UBE2K: variants seen among roughly 807,000 people sequenced by gnomAD.
UBE2K encodes the protein ubiquitin-conjugating enzyme E2 K.
In UBE2K, 6 loss-of-function variants were observed where a neutral mutation model predicts 30.0. That is an observed-to-expected ratio of 0.20 (90% confidence interval 0.11 to 0.39). The LOEUF (loss-of-function observed/expected upper bound fraction) is 0.39, where lower values mean the gene tolerates loss of function less well. UBE2K is among the 10% of genes least tolerant of loss of function. The probability of loss-of-function intolerance (pLI) is 1.00; values close to 1 mark genes in which losing one functional copy is unlikely to be tolerated. For missense variants in UBE2K, 61 were observed against 241.6 expected (o/e 0.25, Z 4.96); for synonymous variants, 86 against 83.7 (o/e 1.03, Z -0.15).
At chr4:39,769,049 C>G (rs1023493036) in intron 4 of UBE2K, among the ~76,000 whole-genome samples, 1 of 151,980 alleles carries the variant, frequency 6.6e-6, no homozygotes, top group African/African-American at 2.4e-5. Context: ...AGGTCTCGAG[C>G]TCCTGACCTC....
At chr4:39,740,362 A>T (rs1720627385) in intron 2 of UBE2K, among the ~76,000 whole-genome samples, 1 of 152,070 alleles carries the variant, frequency 6.6e-6, no homozygotes, top group Admixed American at 6.6e-5. Flanking sequence ...ATGTATACTT[A>T]TATACATTAA....
In UBE2K at chr4:39,698,173, T is replaced by G; in HGVS notation, c.-155T>G. The G allele has an allele frequency of 1.3e-6, 1 of 759,632 alleles. No homozygotes were observed. The highest frequency in any genetic ancestry group is 2.7e-5 in the East Asian group (1 of 37,244). The allele number at this position is 759,632 out of a possible 1,614,324, so 47.1% of individuals were successfully genotyped here. A position where few individuals can be genotyped will look rare whatever the true frequency, so the allele number is the denominator to read the frequency against. On this transcript the variant is annotated 5_prime_UTR_variant, in exon 1 of 7. Transcript: ENST00000261427. ...GCCGGGCGCGGAGGTGATTCCACAC[T>G]GAGGCGAGCGCGGCGGCCGGGGTGG...
chr4:39,758,226 A>T (rs1352621415), intron 4 of UBE2K, among the ~76,000 whole-genome samples: 2 of 152,126 alleles, frequency 1.3e-5, no homozygotes, highest in Non-Finnish European at 2.9e-5. Context: ...CTGTCTGCAG[A>T]TCTATTGGCA....
intron 1 of UBE2K, among the ~76,000 whole-genome samples, chr4:39,704,787 C>T (rs1239327854): frequency 6.6e-6 from 1 of 151,838 alleles, no homozygotes; most frequent in Non-Finnish European, 1.5e-5. Flanking sequence ...AGTGATCCTC[C>T]GGCCTTGGCC....
chr4:39,724,821 T>C (rs1209328748), intron 1 of UBE2K, among the ~76,000 whole-genome samples: 1 of 151,854 alleles, frequency 6.6e-6, no homozygotes, highest in East Asian at 1.9e-4. Flanking sequence ...GTAACTGAGA[T>C]ACATAAGCCT....
intron 4 of UBE2K, among the ~76,000 whole-genome samples, chr4:39,756,891 A>G (rs1721541297): frequency 6.6e-6 from 1 of 152,110 alleles, no homozygotes; most frequent in Non-Finnish European, 1.5e-5. Context: ...AGTTGGTAAG[A>G]AGACTTGGAG....
chr4:39,721,086 T>C (rs1719396393), intron 1 of UBE2K, among the ~76,000 whole-genome samples: 1 of 152,196 alleles, frequency 6.6e-6, no homozygotes. Flanking sequence ...TGGACTGTCC[T>C]ACGACTGTTT....
rs71194914 is a variant in UBE2K at position 39,760,195 on chromosome 4, GAAAA to G, written c.299+4468_299+4471del. Among the ~76,000 whole-genome samples, 372 of 102,574 alleles carry G rather than the reference GAAAA, an allele frequency of 3.6e-3. 2 individuals are homozygous for G. Among genetic ancestry groups the G allele is most frequent in the African/African-American group, 0.014 (345 of 25,370 alleles). 67.3% of individuals were successfully genotyped at this position (102,574 alleles called of 152,430 possible). Reference sequence around the variant, plus strand: ...CTGTCACAAAAAAAAAAAAAAAACAGAAAAAAAAAAAAAAACAAATAATGTGGTT... The same window carrying G: ...CTGTCACAAAAAAAAAAAAAAAACAGAAAAAAAAAAACAAATAATGTGGTT... On this transcript the variant is annotated intron_variant, in intron 4 of 6. Transcript: ENST00000261427.
intron 2 of UBE2K, among the ~76,000 whole-genome samples, chr4:39,738,946 A>T (rs1048625306): frequency 6.6e-5 from 10 of 151,584 alleles, no homozygotes; most frequent in African/African-American, 2.2e-4. Context: ...AAGTGTTAGG[A>T]TTACAGGCGT....
At chr4:39,741,641 T>C (rs1459200562) in intron 2 of UBE2K, among the ~76,000 whole-genome samples, 1 of 152,198 alleles carries the variant, frequency 6.6e-6, no homozygotes, top group African/African-American at 2.4e-5. Flanking sequence ...GATTGTGAAG[T>C]AGAGTACTCA....
At chr4:39,738,620 T>C (rs1720503547) in intron 2 of UBE2K, among the ~76,000 whole-genome samples, 1 of 152,202 alleles carries the variant, frequency 6.6e-6, no homozygotes, top group Non-Finnish European at 1.5e-5. Flanking sequence ...TAGCTAGTAC[T>C]ACAGGTGCAT....
At chr4:39,711,088 CTTTT>C (rs564074791) in intron 1 of UBE2K, among the ~76,000 whole-genome samples, 1 of 127,484 alleles carries the variant, frequency 7.8e-6, no homozygotes, top group Non-Finnish European at 1.7e-5. Context: ...TACTTTTTTG[CTTTT>C]TTTTTTAAAG....
At chr4:39,770,661 C>A in intron 4 of UBE2K, 2 of 1,585,550 alleles carry the variant, frequency 1.3e-6, no homozygotes, top group Non-Finnish European at 8.6e-7. Flanking sequence ...CTTCACCACA[C>A]CCTGCGGTGG....
At chr4:39,726,807 G>A (rs1719778203) in intron 1 of UBE2K, among the ~76,000 whole-genome samples, 1 of 152,072 alleles carries the variant, frequency 6.6e-6, no homozygotes. Context: ...ATGTTGGTTA[G>A]GCTGGTCTCA....
intron 1 of UBE2K, among the ~76,000 whole-genome samples, chr4:39,729,762 A>ATTCT (rs1279077138): frequency 6.6e-6 from 1 of 152,090 alleles, no homozygotes; most frequent in African/African-American, 2.4e-5. Flanking sequence ...CATCATTTTC[A>ATTCT]TTCTTTGTAT....
intron 1 of UBE2K, among the ~76,000 whole-genome samples, chr4:39,731,682 C>T (rs1198929169): frequency 1.3e-5 from 2 of 151,842 alleles, no homozygotes; most frequent in Non-Finnish European, 2.9e-5. Flanking sequence ...AATTTAACTG[C>T]CTAGAAGGTA....
intron 2 of UBE2K, among the ~76,000 whole-genome samples, chr4:39,738,495 A>G (rs536022014): frequency 1.3e-5 from 2 of 152,090 alleles, no homozygotes; most frequent in Admixed American, 1.3e-4. Context: ...GTTTTGTTTT[A>G]TCTATTTTTT....
At chr4:39,767,320 T>TTTTG (rs539102189) in intron 4 of UBE2K, among the ~76,000 whole-genome samples, 24 of 150,022 alleles carry the variant, frequency 1.6e-4, no homozygotes, top group Admixed American at 1.0e-3. Context: ...TGTGTGTGTG[T>TTTTG]TTTGTTTGTT....
intron 2 of UBE2K, among the ~76,000 whole-genome samples, chr4:39,745,375 T>C (rs571104420): frequency 3.3e-5 from 5 of 152,316 alleles, no homozygotes; most frequent in African/African-American, 9.6e-5. Flanking sequence ...CTTTTTTTTT[T>C]CTGACCCTTT....
Sources: allele counts gnomAD v4.1 joint callset (sites outside exome capture counted in the v4.1 genomes callset), GRCh38; gene constraint gnomAD v4.1.1; transcripts MANE v1.5; gene names NCBI Gene and HGNC (gene_info 2026-07-23, HGNC 2026-07-21).